MEGF10: variants seen among roughly 807,000 people sequenced by gnomAD.
MEGF10 encodes the protein multiple EGF like domains 10, also known as multiple epidermal growth factor-like domains protein 10.
Under a neutral mutation model 147.5 loss-of-function variants are expected in MEGF10, and 86 were observed. That is an observed-to-expected ratio of 0.58 (90% CI 0.49 to 0.70). The LOEUF (loss-of-function observed/expected upper bound fraction) is 0.70. MEGF10 is among the 30% of genes least tolerant of loss of function. MEGF10 has a pLI of 0.00. For missense variants in MEGF10, 1,329 were observed against 1,487.3 expected, an observed-to-expected ratio of 0.89 and a Z score of 1.75; for synonymous variants, 478 against 525.5, an observed-to-expected ratio of 0.91 and a Z score of 1.24.
intron 6 of MEGF10, 116 bp from the exon 7 acceptor site, chr5:127,398,560 A>G: frequency 8.3e-7 from 1 of 1,205,408 alleles, no homozygotes; most frequent in South Asian, 1.4e-5. Flanking sequence ...AATTAATTAA[A>G]TGAACAATTA....
At chr5:127,422,249 G>A (rs190062970) in intron 12 of MEGF10, among the ~76,000 whole-genome samples, 19 of 152,204 alleles carry the variant, frequency 1.2e-4, no homozygotes, top group South Asian at 4.1e-4. Context: ...GGCTGGGTGC[G>A]GTGGCTCACG....
chr5:127,303,251 G>A (rs1264279880), intron 1 of MEGF10, among the ~76,000 whole-genome samples: 3 of 150,298 alleles, frequency 2.0e-5, no homozygotes, highest in African/African-American at 7.4e-5. Flanking sequence ...CAGGAGAATC[G>A]CTTGAACTCA....
intron 6 of MEGF10, among the ~76,000 whole-genome samples, chr5:127,397,351 A>AT (rs1763958330): frequency 6.6e-6 from 1 of 152,244 alleles, no homozygotes; most frequent in Admixed American, 6.5e-5. Context: ...ATCTATGTAG[A>AT]TTTTGTGCAC....
At chr5:127,429,617 A>G (rs1765330361) in intron 13 of MEGF10, among the ~76,000 whole-genome samples, 1 of 152,202 alleles carries the variant, frequency 6.6e-6, no homozygotes, top group Non-Finnish European at 1.5e-5. Flanking sequence ...TTGGTGGAGA[A>G]TTGGAGGGGA....
At chr5:127,260,419 C>T in the MEGF10 span, among the ~76,000 whole-genome samples, 2 of 152,140 alleles carry the variant, frequency 1.3e-5, no homozygotes, top group Non-Finnish European at 2.9e-5. Flanking sequence ...ATGATTCATA[C>T]TTAAGAATAA....
chr5:127,241,488 C>A, the MEGF10 span, among the ~76,000 whole-genome samples: 1 of 152,046 alleles, frequency 6.6e-6, no homozygotes, highest in Non-Finnish European at 1.5e-5. Context: ...TGAGCCTAAA[C>A]TGGGGTTTGG....
At chr5:127,331,232 A>C in intron 1 of MEGF10, 59 bp from the exon 2 acceptor site, 3 of 894,372 alleles carry the variant, frequency 3.4e-6, no homozygotes, top group Non-Finnish European at 5.5e-6. Context: ...CTGTACTGAA[A>C]AGAATTCTGT....
intron 22 of MEGF10, among the ~76,000 whole-genome samples, chr5:127,450,737 ATGTTTTGTTT>A (rs747858812): frequency 6.6e-6 from 1 of 151,762 alleles, no homozygotes; most frequent in Non-Finnish European, 1.5e-5. Flanking sequence ...TCATTTGCTA[ATGTTTTGTTT>A]TGTTTTGTTT....
chr5:127,456,072 A>G (rs1234730655), intron 24 of MEGF10, among the ~76,000 whole-genome samples: 2 of 152,184 alleles, frequency 1.3e-5, no homozygotes. Context: ...CTAATCATCC[A>G]TCTTTTGTTT....
the MEGF10 span, among the ~76,000 whole-genome samples, chr5:127,248,882 T>A: frequency 1.3e-5 from 2 of 151,106 alleles, no homozygotes; most frequent in East Asian, 3.9e-4. Context: ...TTTAAAGTAT[T>A]CTTCAAGATT....
intron 1 of MEGF10, among the ~76,000 whole-genome samples, chr5:127,315,986 C>T (rs1467311066): frequency 6.6e-6 from 1 of 152,192 alleles, no homozygotes; most frequent in Non-Finnish European, 1.5e-5. Flanking sequence ...TATTCCCACA[C>T]ATTGTTCTTT....
chr5:127,419,054 T>C, intron 10 of MEGF10, 66 bp from the exon 11 acceptor site: 1 of 1,527,474 alleles, frequency 6.5e-7, no homozygotes, highest in Non-Finnish European at 8.8e-7. Flanking sequence ...TATATTTTTG[T>C]TTATTTGTGT....
intron 5 of MEGF10, among the ~76,000 whole-genome samples, chr5:127,387,384 A>G (rs1200495082): frequency 6.6e-6 from 1 of 152,144 alleles, no homozygotes; most frequent in Non-Finnish European, 1.5e-5. Flanking sequence ...ACATGATAGG[A>G]TATTCCTTAT....
At chr5:127,238,872 T>TAAA in the MEGF10 span, among the ~76,000 whole-genome samples, 1,382 of 152,292 alleles carry the variant, frequency 9.1e-3, 30 homozygotes, top group African/African-American at 0.032. Flanking sequence ...CTTGTCTGGT[T>TAAA]TCCACAGTAA....
intron 17 of MEGF10, among the ~76,000 whole-genome samples, chr5:127,439,390 A>G (rs1309621073): frequency 6.6e-6 from 1 of 150,948 alleles, no homozygotes; most frequent in East Asian, 1.9e-4. Context: ...GCTGAGGAGG[A>G]CAGATGGGTC....
chr5:127,283,939 T>G, the MEGF10 span, among the ~76,000 whole-genome samples: 7 of 152,248 alleles, frequency 4.6e-5, no homozygotes, highest in African/African-American at 1.7e-4. Context: ...CGGATGAATT[T>G]GGAATCCCAT....
chr5:127,295,430 T>C (rs747979818), intron 1 of MEGF10, among the ~76,000 whole-genome samples: 6 of 152,264 alleles, frequency 3.9e-5, no homozygotes, highest in Non-Finnish European at 8.8e-5. Context: ...TAATAACTTC[T>C]ACCTTTGTCT....
chr5:127,393,418 C>T (rs1763778387), intron 5 of MEGF10, among the ~76,000 whole-genome samples: 1 of 152,132 alleles, frequency 6.6e-6, no homozygotes, highest in African/African-American at 2.4e-5. Flanking sequence ...CACTGGGATA[C>T]ATTTAAAAAT....
At chr5:127,410,652 T>C (rs1322039198) in intron 9 of MEGF10, 51 bp downstream of exon 9, 19 of 1,487,222 alleles carry the variant, frequency 1.3e-5, no homozygotes, top group South Asian at 2.4e-5. Context: ...GTTTTAACCT[T>C]GGTTTTCAGG....
Sources: gnomAD v4.1 joint callset for allele counts (sites outside exome capture counted in the v4.1 genomes callset) on GRCh38, gnomAD v4.1.1 for gene constraint, MANE v1.5 for transcripts, NCBI Gene and HGNC (gene_info 2026-07-23, HGNC 2026-07-21) for gene names.